Variants in NUDCD1 observed in about 807,000 individuals in gnomAD.
NUDCD1 encodes nudC domain-containing protein 1.
A neutral mutation model predicts 67.8 loss-of-function variants in NUDCD1; 60 were observed. That is an observed-to-expected ratio of 0.88 (90% CI 0.72 to 1.10). The LOEUF (loss-of-function observed/expected upper bound fraction) is 1.10. NUDCD1 is among the 50% of genes least tolerant of loss of function. NUDCD1 has a pLI of 0.00. For synonymous variants in NUDCD1, 244 were observed against 230.8 expected (o/e 1.06, Z -0.52); for missense variants, 643 against 695.0 (o/e 0.93, Z 0.84).
chr8:109,326,130 CT>C (rs1381400601), intron 1 of NUDCD1, among the ~76,000 whole-genome samples: 1 of 152,240 alleles, frequency 6.6e-6, no homozygotes, highest in African/African-American at 2.4e-5. Flanking sequence ...TTCTTCATAT[CT>C]GTGCAAAGAC....
chr8:109,241,440 TACA>T lies in NUDCD1; in HGVS notation c.*1566_*1568del, dbSNP rs1249966868. 6.6e-6 allele frequency: 1 copy of T among 152,172 alleles called. No homozygotes were observed. Among genetic ancestry groups the T allele is most frequent in the Admixed American group, 6.6e-5 (1 of 15,262 alleles). The allele number at this position is 152,172 out of a possible 1,614,324, so 9.4% of individuals were successfully genotyped here. Reference sequence around the variant, plus strand: ...AATGGTCTTTTGTTTCATGAAGTTTTACAACAATACTAAAAAGTTCTGGAAATA... The same window carrying T: ...AATGGTCTTTTGTTTCATGAAGTTTTACAATACTAAAAAGTTCTGGAAATA... On this transcript the variant is annotated 3_prime_UTR_variant, in exon 10 of 10. Coordinates refer to ENST00000239690, the MANE Select transcript of NUDCD1 (RefSeq NM_032869.4).
chr8:109,246,422 A>G (rs1813497706), intron 8 of NUDCD1, among the ~76,000 whole-genome samples: 1 of 152,196 alleles, frequency 6.6e-6, no homozygotes, highest in Non-Finnish European at 1.5e-5. Context: ...GGCTAAAGAG[A>G]AATATCACAA....
intron 8 of NUDCD1, among the ~76,000 whole-genome samples, chr8:109,256,446 C>T (rs996956051): frequency 1.5e-5 from 2 of 131,808 alleles, no homozygotes; most frequent in African/African-American, 5.5e-5. Flanking sequence ...TGTGTGTGTG[C>T]ATGTGTTGAG....
At chr8:109,271,328 A>G (rs908117136) in intron 7 of NUDCD1, among the ~76,000 whole-genome samples, 198 bp from the exon 8 acceptor site, 2 of 152,190 alleles carry the variant, frequency 1.3e-5, no homozygotes, top group Non-Finnish European at 2.9e-5. Context: ...CAGGTATTAT[A>G]AACAGTTCCA....
At chr8:109,270,086 CTTAA>C (rs1293629952) in intron 8 of NUDCD1, among the ~76,000 whole-genome samples, 5 of 194 alleles carry the variant, frequency 0.026, no homozygotes, top group Admixed American at 0.1. Context: ...GGGGGGGTGC[CTTAA>C]GGTGGGGTGT....
At chr8:109,317,488 G>C (rs530731879) in intron 2 of NUDCD1, among the ~76,000 whole-genome samples, 2 of 152,260 alleles carry the variant, frequency 1.3e-5, no homozygotes, top group South Asian at 4.1e-4. Flanking sequence ...GTAAGATGTG[G>C]ATAATAATAG....
intron 8 of NUDCD1, among the ~76,000 whole-genome samples, chr8:109,246,972 T>C (rs1178009206): frequency 6.6e-6 from 1 of 152,176 alleles, no homozygotes; most frequent in East Asian, 1.9e-4. Flanking sequence ...CAACCCATCT[T>C]CTGCTCCCCA....
intron 5 of NUDCD1, 32 bp downstream of exon 5, chr8:109,289,719 T>C: frequency 1.8e-6 from 2 of 1,112,656 alleles, no homozygotes; most frequent in Non-Finnish European, 2.6e-6. Flanking sequence ...TTTATGAAAA[T>C]ACCAATAAGC....
chr8:109,258,257 G>C (rs987671962), intron 8 of NUDCD1, among the ~76,000 whole-genome samples: 4 of 152,028 alleles, frequency 2.6e-5, no homozygotes, highest in African/African-American at 9.7e-5. Context: ...AACAGACCCA[G>C]TGCCATTTGT....
chr8:109,274,768 T>C (rs1349764682), intron 7 of NUDCD1, among the ~76,000 whole-genome samples: 2 of 152,194 alleles, frequency 1.3e-5, no homozygotes, highest in East Asian at 3.9e-4. Context: ...GATATCATTG[T>C]TAGAAAACGA....
chr8:109,328,234 C>G (rs1040360299), intron 1 of NUDCD1, among the ~76,000 whole-genome samples: 23 of 152,172 alleles, frequency 1.5e-4, no homozygotes, highest in African/African-American at 5.6e-4. Context: ...GAGGTATAGT[C>G]AACTCTACAT....
At chr8:109,288,449 T>C (rs1384524443) in intron 5 of NUDCD1, among the ~76,000 whole-genome samples, 1 of 152,200 alleles carries the variant, frequency 6.6e-6, no homozygotes, top group East Asian at 1.9e-4. Context: ...TTAGACAGAA[T>C]AGTAACATTT....
intron 1 of NUDCD1, among the ~76,000 whole-genome samples, chr8:109,326,871 T>C (rs1815692900): frequency 6.6e-6 from 1 of 152,344 alleles, no homozygotes; most frequent in South Asian, 2.1e-4. Flanking sequence ...AAAACAGACC[T>C]GTCTCCTGCA....
intron 5 of NUDCD1, among the ~76,000 whole-genome samples, chr8:109,289,166 G>C (rs1176007742): frequency 1.3e-5 from 2 of 151,668 alleles, no homozygotes; most frequent in South Asian, 4.2e-4. Context: ...TAGTAGAGAC[G>C]GGGTTTCATC....
chr8:109,247,628 T>C (rs1291093833), intron 8 of NUDCD1, among the ~76,000 whole-genome samples: 2 of 152,210 alleles, frequency 1.3e-5, no homozygotes, highest in Non-Finnish European at 2.9e-5. Flanking sequence ...AGCAATTTCA[T>C]ACAGCTTGTC....
chr8:109,275,425 C>T lies in NUDCD1; in HGVS notation c.1100G>A (p.Gly367Glu). The change falls in exon 7 of 10, where the codon GGG (glycine) becomes GAG (glutamate). Residue 367 changes from glycine to glutamate, a missense_variant. Gly to Glu is a moderately conservative substitution (Grantham distance 98). Coordinates refer to ENST00000239690, the MANE Select transcript of NUDCD1 (RefSeq NM_032869.4). ...WPELVIGDKQGELIRDSAQCA... is the reference protein window; with the variant it reads ...WPELVIGDKQEELIRDSAQCA... ...CTGGGCTGAATCTCTTATAAGTTCC[C>T]CTTGTTTATCTCCAATTACTAGCTC... The T allele has an allele frequency of 6.2e-7, 1 of 1,613,708 alleles. No individual in the cohort carries two copies. Among genetic ancestry groups the T allele is most frequent in the Non-Finnish European group, 8.5e-7 (1 of 1,179,728 alleles).
At chr8:109,313,888 T>G (rs1472891785) in intron 2 of NUDCD1, 1 of 836,062 alleles carries the variant, frequency 1.2e-6, no homozygotes, top group East Asian at 6.3e-5. Flanking sequence ...TACTTGAGTA[T>G]CTAAATGTGA....
chr8:109,274,904 A>G (rs895539985), intron 7 of NUDCD1, among the ~76,000 whole-genome samples: 1 of 152,184 alleles, frequency 6.6e-6, no homozygotes, highest in Non-Finnish European at 1.5e-5. Flanking sequence ...TGTAATTATC[A>G]CAATGAATTA....
chr8:109,317,951 T>C (rs1217827311), intron 2 of NUDCD1, among the ~76,000 whole-genome samples: 1 of 152,222 alleles, frequency 6.6e-6, no homozygotes, highest in Non-Finnish European at 1.5e-5. Context: ...ACACTCATAT[T>C]AGCACCTAAA....
Sources: allele counts gnomAD v4.1 joint callset (sites outside exome capture counted in the v4.1 genomes callset), GRCh38; gene constraint gnomAD v4.1.1; transcripts MANE v1.5; gene names NCBI Gene and HGNC (gene_info 2026-07-23, HGNC 2026-07-21).